RSU1: variants seen among roughly 807,000 people sequenced by gnomAD.
RSU1 encodes the protein rsu-1.
Under a neutral mutation model 31.1 loss-of-function variants are expected in RSU1, and 26 were observed. That is an observed-to-expected ratio of 0.84 (90% confidence interval 0.61 to 1.16). The LOEUF is 1.16. Among genes scored for constraint, RSU1 ranks in the 50% most tolerant of loss-of-function variants. The probability of loss-of-function intolerance (pLI) is 0.00; values close to 1 mark genes in which losing one functional copy is unlikely to be tolerated. For synonymous variants in RSU1, 164 were observed against 136.3 expected (o/e 1.20, Z -1.41); for missense variants, 320 against 339.1 (o/e 0.94, Z 0.44).
intron 8 of RSU1, among the ~76,000 whole-genome samples, chr10:16,690,036 G>C (rs764458356): frequency 6.6e-6 from 1 of 152,180 alleles, no homozygotes; most frequent in Non-Finnish European, 1.5e-5. Flanking sequence ...AAAATGGCTT[G>C]CAGTTGGTAT....
chr10:16,694,165 G>A, intron 8 of RSU1, among the ~76,000 whole-genome samples: 1 of 152,144 alleles, frequency 6.6e-6, no homozygotes, highest in East Asian at 1.9e-4. Context: ...AGGTTTTTGG[G>A]ACAGTTTTGC....
intron 7 of RSU1, among the ~76,000 whole-genome samples, chr10:16,726,850 T>C (rs1043340056): frequency 5.3e-5 from 8 of 152,120 alleles, no homozygotes; most frequent in African/African-American, 1.7e-4. Flanking sequence ...TTACTATCTG[T>C]AGGCATTGGA....
chr10:16,749,476 T>C (rs752155634), intron 7 of RSU1, among the ~76,000 whole-genome samples: 6 of 152,148 alleles, frequency 3.9e-5, no homozygotes, highest in Non-Finnish European at 7.4e-5. Context: ...GTAAAAAATA[T>C]ACAGCGAGAG....
chr10:16,765,535 A>G (rs1837297555), intron 3 of RSU1, among the ~76,000 whole-genome samples: 1 of 152,258 alleles, frequency 6.6e-6, no homozygotes, highest in South Asian at 2.1e-4. Context: ...TTGAAAATAC[A>G]AATGTAAAAG....
intron 8 of RSU1, among the ~76,000 whole-genome samples, chr10:16,633,301 G>A (rs935830848): frequency 6.6e-6 from 1 of 152,104 alleles, no homozygotes; most frequent in Non-Finnish European, 1.5e-5. Context: ...AGCATCAGCC[G>A]AACATGGGAA....
chr10:16,795,454 G>A, intron 2 of RSU1, among the ~76,000 whole-genome samples: 1 of 150,804 alleles, frequency 6.6e-6, no homozygotes, highest in East Asian at 1.9e-4. Flanking sequence ...ACAGTTCTAA[G>A]AACTTTATCA....
Position 16,786,992 on chromosome 10 carries a change from G to A in RSU1, c.110-4908C>T, listed in dbSNP as rs147993175. 3.0e-4 allele frequency among the ~76,000 whole-genome samples: 46 copies of A among 152,194 alleles called. No homozygotes were observed. The East Asian group carries it at 5.4e-3, about 18-fold the overall frequency. On this transcript the variant is annotated intron_variant, in intron 2 of 8. Transcript: ENST00000345264. Reference sequence around the variant, plus strand: ...TTGAACATTCAGGGAGGTGCGGATCGGATCGATGCCTTACACCTGGACACA... The same window carrying A: ...TTGAACATTCAGGGAGGTGCGGATCAGATCGATGCCTTACACCTGGACACA...
Position 16,683,325 on chromosome 10 carries a change from C to T in RSU1, c.731+11698G>A, listed in dbSNP as rs921682072. 9.2e-5 allele frequency among the ~76,000 whole-genome samples: 14 copies of T among 152,102 alleles called. No homozygotes were observed. The East Asian group carries it at 2.5e-3, about 27-fold the overall frequency. ...AACAAATTCATAAACAACTCAATGC[C>T]GTTTCTGGGCATTTGAGTAACAATA... On this transcript the variant is annotated intron_variant, in intron 8 of 8. Coordinates refer to ENST00000345264, the MANE Select transcript of RSU1 (RefSeq NM_012425.4).
intron 7 of RSU1, among the ~76,000 whole-genome samples, chr10:16,721,122 GT>G (rs1451011976): frequency 6.6e-6 from 1 of 152,148 alleles, no homozygotes; most frequent in Admixed American, 6.5e-5. Context: ...TGTCCGTCAG[GT>G]GCTCTTGGTC....
chr10:16,611,418 G>T, intron 8 of RSU1, among the ~76,000 whole-genome samples: 1 of 152,112 alleles, frequency 6.6e-6, no homozygotes, highest in Admixed American at 6.5e-5. Context: ...TCTTTGTTGA[G>T]GAATTTTTTT....
intron 7 of RSU1, among the ~76,000 whole-genome samples, chr10:16,747,113 A>C (rs547302824): frequency 9.2e-5 from 14 of 152,174 alleles, no homozygotes; most frequent in Non-Finnish European, 1.5e-4. Context: ...CGAGGTGGCC[A>C]CAGTCCCTGA....
chr10:16,661,699 C>T (rs1227654581), intron 8 of RSU1, among the ~76,000 whole-genome samples: 1 of 152,138 alleles, frequency 6.6e-6, no homozygotes, highest in African/African-American at 2.4e-5. Context: ...GGGGTAGCCC[C>T]TTTGAATGTG....
intron 8 of RSU1, among the ~76,000 whole-genome samples, chr10:16,674,944 C>A (rs1166080999): frequency 6.6e-6 from 1 of 151,954 alleles, no homozygotes; most frequent in Non-Finnish European, 1.5e-5. Flanking sequence ...GAGGCAGGAG[C>A]ATCTTTTGAA....
At chr10:16,705,184 G>T (rs1835872190) in intron 7 of RSU1, among the ~76,000 whole-genome samples, 1 of 152,034 alleles carries the variant, frequency 6.6e-6, no homozygotes, top group Admixed American at 6.6e-5. Flanking sequence ...CATCCATGTT[G>T]TAGCATATGT....
At position 16,782,024 on chromosome 10, in the gene RSU1, C is replaced by T. The variant is rs1837661659; in HGVS notation, c.160+10G>A. 1 of 1,610,276 alleles carries T rather than the reference C, an allele frequency of 6.2e-7. No individual in the cohort carries two copies. Among genetic ancestry groups the T allele is most frequent in the Non-Finnish European group, 8.5e-7 (1 of 1,177,610 alleles). On this transcript the variant is annotated intron_variant, in intron 3 of 8. Transcript: ENST00000345264. ...GTCAGAAACTGTAACAAATGAGAAACATCACTTACTTGTTAGCTTGTTATG... is the reference window on the plus strand; with the variant it reads ...GTCAGAAACTGTAACAAATGAGAAATATCACTTACTTGTTAGCTTGTTATG...
Position 16,761,712 on chromosome 10 carries a change from T to G in RSU1, c.281+2678A>C, listed in dbSNP as rs868370105. Among the ~76,000 whole-genome samples, 5 of 152,124 alleles carry G rather than the reference T, an allele frequency of 3.3e-5. No individual in the cohort carries two copies. The South Asian group carries it at 1.0e-3, about 32-fold the overall frequency. The stretch of plus-strand genomic sequence containing the variant: ...TCTACTAAAAATGTAAAAAATTAGC[T>G]GGGCGTGGTGGCAGGCGCCTGTAGT... On this transcript the variant is annotated intron_variant, in intron 4 of 8. Coordinates refer to ENST00000345264, the MANE Select transcript of RSU1 (RefSeq NM_012425.4).
At chr10:16,597,447 C>A (rs1833635438) in intron 8 of RSU1, among the ~76,000 whole-genome samples, 1 of 152,144 alleles carries the variant, frequency 6.6e-6, no homozygotes, top group African/African-American at 2.4e-5. Context: ...CTGCTCAAAT[C>A]CTGCTTTTGA....
chr10:16,603,032 A>C (rs1833737944), intron 8 of RSU1, among the ~76,000 whole-genome samples: 1 of 152,234 alleles, frequency 6.6e-6, no homozygotes, highest in Non-Finnish European at 1.5e-5. Context: ...TTAATTCAAA[A>C]GGAAATGTTT....
intron 2 of RSU1, among the ~76,000 whole-genome samples, chr10:16,786,561 C>T (rs1362514200): frequency 6.6e-6 from 1 of 151,968 alleles, no homozygotes; most frequent in Non-Finnish European, 1.5e-5. Flanking sequence ...GGGGGGGAGT[C>T]AGGTACCCTC....
Sources: gnomAD v4.1 joint callset for allele counts (sites outside exome capture counted in the v4.1 genomes callset) on GRCh38, gnomAD v4.1.1 for gene constraint, MANE v1.5 for transcripts, NCBI Gene and HGNC (gene_info 2026-07-23, HGNC 2026-07-21) for gene names.